The following DLGAP1 variants were observed in gnomAD, a reference collection of about 807,000 sequenced individuals.
DLGAP1 encodes DLG associated protein 1.
DLGAP1 carries 11 observed loss-of-function variants against 90.8 expected under a neutral mutation model. The ratio of observed to expected loss-of-function variants is 0.12; its 90% CI spans 0.08 to 0.20. The LOEUF (loss-of-function observed/expected upper bound fraction) is 0.20, where lower values mean the gene tolerates loss of function less well. Among genes scored for constraint, DLGAP1 ranks in the 10% least tolerant of loss-of-function variants. The probability of loss-of-function intolerance (pLI) is 1.00; values close to 1 mark genes in which losing one functional copy is unlikely to be tolerated. For missense variants in DLGAP1, 1,050 were observed against 1,333.8 expected (o/e 0.79, Z 3.31); for synonymous variants, 558 against 540.7 (o/e 1.03, Z -0.44).
At chr18:3,977,434 G>GGGTTTTTTTTTTTT (rs767760816) in intron 3 of DLGAP1, among the ~76,000 whole-genome samples, 5 of 95,332 alleles carry the variant, frequency 5.2e-5, no homozygotes, top group African/African-American at 1.7e-4. Flanking sequence ...TTTATTCTGT[G>GGGTTTTTTTTTTTT]TTTTTTTTTT....
rs74511888 is a variant in DLGAP1 at position 3,758,490 on chromosome 18, C to T, written c.1173-15978G>A. ...CACAGACTATTTTTATTTATAGACT[C>T]AGGGTCTAACTCAAAGCCACTTTCT... On this transcript the variant is annotated intron_variant, in intron 5 of 12. Transcript: ENST00000315677. Among the ~76,000 whole-genome samples the T allele has an allele frequency of 7.1e-3, 1,086 of 152,278 alleles. 14 individuals are homozygous for T. Among genetic ancestry groups the T allele is most frequent in the African/African-American group, 0.025 (1,022 of 41,544 alleles).
At chr18:4,197,950 G>A (rs1186123466) in intron 1 of DLGAP1, among the ~76,000 whole-genome samples, 5 of 152,142 alleles carry the variant, frequency 3.3e-5, no homozygotes, top group African/African-American at 9.7e-5. Flanking sequence ...GGCCAGGCGC[G>A]GTGGCTCACG....
chr18:3,666,025 G>A (rs1401703335), intron 7 of DLGAP1, among the ~76,000 whole-genome samples: 2 of 151,996 alleles, frequency 1.3e-5, no homozygotes, highest in Non-Finnish European at 2.9e-5. Flanking sequence ...AAGGGAGCCC[G>A]GCTCCAACCG....
At chr18:4,032,401 G>A (rs536671418) in intron 2 of DLGAP1, among the ~76,000 whole-genome samples, 1 of 152,232 alleles carries the variant, frequency 6.6e-6, no homozygotes, top group South Asian at 2.1e-4. Flanking sequence ...TAAGCACACA[G>A]ATACCTTGGT....
chr18:4,217,942 T>A (rs1336043300), intron 1 of DLGAP1, among the ~76,000 whole-genome samples: 1 of 152,092 alleles, frequency 6.6e-6, no homozygotes, highest in Non-Finnish European at 1.5e-5. Flanking sequence ...AATTTTTTTC[T>A]TTCATGAATT....
chr18:4,074,168 T>C (rs2075491389), intron 2 of DLGAP1, among the ~76,000 whole-genome samples: 1 of 152,152 alleles, frequency 6.6e-6, no homozygotes, highest in South Asian at 2.1e-4. Flanking sequence ...TAGGAGGCGA[T>C]ATAAATGGAT....
chr18:4,281,915 T>A (rs2079560694), intron 1 of DLGAP1, among the ~76,000 whole-genome samples: 1 of 152,216 alleles, frequency 6.6e-6, no homozygotes, highest in African/African-American at 2.4e-5. Flanking sequence ...GTGTGAAACA[T>A]CTATAATGTA....
intron 3 of DLGAP1, among the ~76,000 whole-genome samples, chr18:3,967,783 G>T (rs762366866): frequency 6.6e-6 from 1 of 151,918 alleles, no homozygotes; most frequent in Non-Finnish European, 1.5e-5. Flanking sequence ...TTAAAAATTC[G>T]AGTTTATGTA....
intron 1 of DLGAP1, among the ~76,000 whole-genome samples, chr18:4,443,357 G>A (rs1354324247): frequency 6.6e-6 from 1 of 152,214 alleles, no homozygotes; most frequent in Non-Finnish European, 1.5e-5. Context: ...TCATGCAGGA[G>A]GAGCTGCTGA....
chr18:4,086,502 T>C (rs1045218032), intron 2 of DLGAP1, among the ~76,000 whole-genome samples: 1 of 152,240 alleles, frequency 6.6e-6, no homozygotes, highest in Non-Finnish European at 1.5e-5. Flanking sequence ...CGATATGTTG[T>C]GTTCTCATTT....
At position 3,729,091 on chromosome 18, in the gene DLGAP1, T is replaced by TA. The variant is rs549303495; in HGVS notation, c.1591+43dup. ...ACAGTCTTTGGGGACAGTCGTGCCA[T>TA]AGCCAGCACAGGGGCCAGGCTGGCT... is the stretch of plus-strand genomic sequence containing the variant. On this transcript the variant is annotated intron_variant, in intron 7 of 12. Coordinates refer to ENST00000315677, the MANE Select transcript of DLGAP1 (RefSeq NM_004746.4). The surrounding 1 kb of genome is among the most constrained non-coding windows in gnomAD (Gnocchi z 6.2). 11,738 of 1,566,454 alleles carry TA rather than the reference T, an allele frequency of 7.5e-3. 87 individuals carry two copies. The highest frequency in any genetic ancestry group is 0.018 in the South Asian group (1,566 of 85,498).
At chr18:4,189,634 AG>A (rs1387208379) in intron 1 of DLGAP1, among the ~76,000 whole-genome samples, 4 of 152,208 alleles carry the variant, frequency 2.6e-5, no homozygotes, top group African/African-American at 9.6e-5. Flanking sequence ...TTATATGGAA[AG>A]ACAAAAGAAC....
At chr18:3,774,308 A>C (rs2064838387) in intron 5 of DLGAP1, 1 of 152,330 alleles carries the variant, frequency 6.6e-6, no homozygotes, top group African/African-American at 2.4e-5. Flanking sequence ...TGTAATGGTC[A>C]GTGACGGCAG....
At chr18:3,554,006 TA>T (rs1292419810) in intron 9 of DLGAP1, among the ~76,000 whole-genome samples, 1 of 152,198 alleles carries the variant, frequency 6.6e-6, no homozygotes, top group Non-Finnish European at 1.5e-5. Context: ...TGGGCTAATG[TA>T]AGAAAGTCTA....
chr18:3,896,134 C>T (rs1382067580), intron 3 of DLGAP1: 1 of 152,182 alleles, frequency 6.6e-6, no homozygotes, highest in Non-Finnish European at 1.5e-5. Context: ...GCAAGTGTGA[C>T]ATGGTTTCTT....
chr18:3,772,382 TTCTTTCTTTC>T (rs1390246985), intron 5 of DLGAP1, among the ~76,000 whole-genome samples: 3 of 12,720 alleles, frequency 2.4e-4, no homozygotes, highest in Non-Finnish European at 8.6e-4. Flanking sequence ...CTTTCTTTCT[TTCTTTCTTTC>T]TTTCTTTCTT....
intron 2 of DLGAP1, among the ~76,000 whole-genome samples, chr18:4,028,369 G>A (rs1245292718): frequency 6.6e-6 from 1 of 152,206 alleles, no homozygotes; most frequent in Admixed American, 6.5e-5. Flanking sequence ...GCTCTGCTCT[G>A]AGGGGGCATC....
At chr18:4,403,562 G>GTT (rs2082600886) in intron 1 of DLGAP1, among the ~76,000 whole-genome samples, 4 of 152,030 alleles carry the variant, frequency 2.6e-5, no homozygotes, top group Admixed American at 2.6e-4. Flanking sequence ...TGATGACAAA[G>GTT]TTTCCCTCCC....
At chr18:4,107,890 G>C (rs183149684) in intron 2 of DLGAP1, among the ~76,000 whole-genome samples, 1 of 152,036 alleles carries the variant, frequency 6.6e-6, no homozygotes. Context: ...TTTCAGGTCC[G>C]AAGAAAAATC....
Sources: allele counts gnomAD v4.1 joint callset (sites outside exome capture counted in the v4.1 genomes callset), GRCh38; gene constraint gnomAD v4.1.1; non-coding constraint Gnocchi (gnomAD v3.1); transcripts MANE v1.5; gene names NCBI Gene and HGNC (gene_info 2026-07-23, HGNC 2026-07-21).